LGI2: variants seen among roughly 807,000 people sequenced by gnomAD.
LGI2 encodes leucine-rich repeat LGI family member 2.
In LGI2, 30 loss-of-function variants were observed where a neutral mutation model predicts 52.0. That is an observed-to-expected ratio of 0.58 (90% CI 0.43 to 0.78). The LOEUF is 0.78. LGI2 is among the 30% of genes least tolerant of loss of function. LGI2 has a pLI of 0.00. For synonymous variants in LGI2, 270 were observed against 271.8 expected (o/e 0.99, Z 0.06); for missense variants, 573 against 692.5 (o/e 0.83, Z 1.94).
At chr4:25,006,651 T>A (rs1488756116) in intron 7 of LGI2, among the ~76,000 whole-genome samples, 2 of 152,234 alleles carry the variant, frequency 1.3e-5, no homozygotes, top group Admixed American at 1.3e-4. Flanking sequence ...ACTTAAGAAG[T>A]GTGTAGGTAT....
chr4:25,021,122 C>T (rs1026366648), intron 4 of LGI2, among the ~76,000 whole-genome samples: 5 of 144,774 alleles, frequency 3.5e-5, no homozygotes, highest in Non-Finnish European at 5.9e-5. Context: ...AAAAAAAAAG[C>T]AGAGAGTTTA....
intron 7 of LGI2, among the ~76,000 whole-genome samples, chr4:25,006,489 G>C (rs1725396420): frequency 6.6e-6 from 1 of 152,192 alleles, no homozygotes; most frequent in South Asian, 2.1e-4. Context: ...GGTTTTCAGA[G>C]TGGCATTTAC....
At chr4:25,008,825 A>G (rs577826774) in intron 7 of LGI2, among the ~76,000 whole-genome samples, 1 of 152,266 alleles carries the variant, frequency 6.6e-6, no homozygotes, top group Admixed American at 6.5e-5. Context: ...AAGCTGTGGG[A>G]TGATTCAGAC....
At chr4:25,014,830 C>CAAA (rs60168915) in intron 6 of LGI2, among the ~76,000 whole-genome samples, 14 of 85,796 alleles carry the variant, frequency 1.6e-4, no homozygotes, top group East Asian at 3.7e-4. Flanking sequence ...GACCTTGTCT[C>CAAA]AAAAAAAAAA....
At chr4:25,019,580 C>T (rs1161526617) in intron 4 of LGI2, among the ~76,000 whole-genome samples, 1 of 152,122 alleles carries the variant, frequency 6.6e-6, no homozygotes, top group African/African-American at 2.4e-5. Context: ...CTAGGAGACC[C>T]CATCTCATCG....
At chr4:25,023,026 A>C (rs1235812011) in intron 4 of LGI2, among the ~76,000 whole-genome samples, 1 of 152,010 alleles carries the variant, frequency 6.6e-6, no homozygotes, top group Non-Finnish European at 1.5e-5. Context: ...GCCATGGAGG[A>C]AGTTGGGACT....
Position 24,999,761 on chromosome 4 carries a change from A to G in LGI2, c.*3690T>C, listed in dbSNP as rs1358696728. On this transcript the variant is annotated 3_prime_UTR_variant, in exon 8 of 8. Coordinates refer to ENST00000382114, the MANE Select transcript of LGI2 (RefSeq NM_018176.4). Reference sequence around the variant, plus strand: ...ATGCTGATTTCTTTCCTAAAAATACACAGACTCTCACTCCATGGGGAAGAA... The same window carrying G: ...ATGCTGATTTCTTTCCTAAAAATACGCAGACTCTCACTCCATGGGGAAGAA... 1 of 454,072 alleles carries G rather than the reference A, an allele frequency of 2.2e-6. No homozygotes were observed. The highest frequency in any genetic ancestry group is 4.4e-6 in the Non-Finnish European group (1 of 226,100). The allele number at this position is 454,072 out of a possible 1,614,324, so 28.1% of individuals were successfully genotyped here. A position where few individuals can be genotyped will look rare whatever the true frequency, so the allele number is the denominator to read the frequency against.
At chr4:24,993,857 G>A (rs994510257), downstream of LGI2, among the ~76,000 whole-genome samples, 1 of 152,192 alleles carries the variant, frequency 6.6e-6, no homozygotes, top group African/African-American at 2.4e-5. Context: ...ACATAAGGAA[G>A]AAAAAGCTAC....
downstream of LGI2, among the ~76,000 whole-genome samples, chr4:24,995,043 A>G (rs1189258436): frequency 6.6e-6 from 1 of 152,200 alleles, no homozygotes; most frequent in African/African-American, 2.4e-5. Flanking sequence ...TGGATTTTTT[A>G]GCTAAATTGA....
intron 7 of LGI2, among the ~76,000 whole-genome samples, chr4:25,009,627 G>C (rs1305065992): frequency 6.6e-6 from 1 of 151,938 alleles, no homozygotes; most frequent in Non-Finnish European, 1.5e-5. Context: ...TGAGGGCAGA[G>C]GTTTTTTTGT....
rs1181595223 is a variant in LGI2, at chr4:25,030,906, G to C, written c.-213C>G. 1.2e-5 allele frequency: 2 copies of C among 164,598 alleles called. No homozygotes were observed. Among genetic ancestry groups the C allele is most frequent in the African/African-American group, 4.8e-5 (2 of 41,518 alleles). The allele number at this position is 164,598 out of a possible 1,614,324, so 10.2% of individuals were successfully genotyped here. A position where few individuals can be genotyped will look rare whatever the true frequency, so the allele number is the denominator to read the frequency against. On this transcript the variant is annotated 5_prime_UTR_variant, in exon 1 of 8. Transcript: ENST00000382114. Reference sequence around the variant, plus strand: ...GCGCCCCCCCACCCGAGCCCGGGCTGCTGGGCGGCCGCCGCCGCTGCGCCC... The same window carrying C: ...GCGCCCCCCCACCCGAGCCCGGGCTCCTGGGCGGCCGCCGCCGCTGCGCCC...
At chr4:25,008,627 T>C (rs1725471632) in intron 7 of LGI2, among the ~76,000 whole-genome samples, 1 of 151,360 alleles carries the variant, frequency 6.6e-6, no homozygotes, top group Non-Finnish European at 1.5e-5. Context: ...ATTTTACAGA[T>C]AAAGTGGAAA....
chr4:25,016,621 T>C (rs1301870400), intron 6 of LGI2, among the ~76,000 whole-genome samples: 3 of 152,226 alleles, frequency 2.0e-5, no homozygotes, highest in Non-Finnish European at 4.4e-5. Flanking sequence ...TTCTGTGAGA[T>C]TGCAGGTTGT....
At chr4:24,998,143 T>C (rs1251488027), downstream of LGI2, among the ~76,000 whole-genome samples, 1 of 152,210 alleles carries the variant, frequency 6.6e-6, no homozygotes, top group Non-Finnish European at 1.5e-5. Flanking sequence ...ATCAAATTGC[T>C]GGGATCACAG....
chr4:25,012,897 G>C (rs1725636369), intron 6 of LGI2, among the ~76,000 whole-genome samples: 1 of 152,240 alleles, frequency 6.6e-6, no homozygotes, highest in Admixed American at 6.5e-5. Flanking sequence ...GGTCCAGTGA[G>C]TTTGGAAAAT....
intron 6 of LGI2, 37 bp downstream of exon 6, chr4:25,017,952 C>T: frequency 1.3e-6 from 2 of 1,525,710 alleles, no homozygotes; most frequent in Non-Finnish European, 1.8e-6. Flanking sequence ...AGAGATTATT[C>T]TAAATATCCG....
Position 25,003,443 on chromosome 4 carries a change from C to A in LGI2, c.*8G>T. Reference sequence around the variant, plus strand: ...GCTACATTTCTCTTAGTTTCACCCACCACACCTTCACAAACTTAAGTCAAC... The same window carrying A: ...GCTACATTTCTCTTAGTTTCACCCAACACACCTTCACAAACTTAAGTCAAC... On this transcript the variant is annotated 3_prime_UTR_variant, in exon 8 of 8. Transcript: ENST00000382114. 6.4e-7 allele frequency: 1 copy of A among 1,554,664 alleles called. No individual in the cohort carries two copies. Among genetic ancestry groups the A allele is most frequent in the South Asian group, 1.2e-5 (1 of 80,306 alleles).
chr4:25,021,948 A>AAC lies in LGI2; in HGVS notation c.414-2712_414-2711dup, dbSNP rs1553872558. Among the ~76,000 whole-genome samples the AAC allele has an allele frequency of 8.0e-5, 12 of 150,792 alleles. No homozygotes were observed. The East Asian group carries it at 8.0e-4, about 10-fold the overall frequency. ...TCCATCTCAAAAAAAAAAAAAAAAA[A>AAC]ACAAAGCCACCTGACTTGTCCAGAA... is the stretch of plus-strand genomic sequence containing the variant. On this transcript the variant is annotated intron_variant, in intron 4 of 7. Transcript: ENST00000382114.
At chr4:25,014,005 T>A (rs1413436165) in intron 6 of LGI2, among the ~76,000 whole-genome samples, 2 of 152,230 alleles carry the variant, frequency 1.3e-5, no homozygotes, top group Non-Finnish European at 2.9e-5. Context: ...AGTCATCATG[T>A]GCTCCCTTTT....
Sources: gnomAD v4.1 joint callset for allele counts (sites outside exome capture counted in the v4.1 genomes callset) on GRCh38, gnomAD v4.1.1 for gene constraint, MANE v1.5 for transcripts, NCBI Gene and HGNC (gene_info 2026-07-23, HGNC 2026-07-21) for gene names.